Variants in SERPINB11 observed in about 807,000 individuals in gnomAD.
SERPINB11 encodes the protein serpin family B member 11.
Under a neutral mutation model 36.7 loss-of-function variants are expected in SERPINB11, and 32 were observed. That is an observed-to-expected ratio of 0.87 (90% CI 0.66 to 1.17). The LOEUF is 1.17. Among genes scored for constraint, SERPINB11 ranks in the 50% most tolerant of loss-of-function variants. The probability of loss-of-function intolerance (pLI) is 0.00; values close to 1 mark genes in which losing one functional copy is unlikely to be tolerated. For synonymous variants in SERPINB11, 174 were observed against 168.1 expected, an observed-to-expected ratio of 1.04 and a Z score of -0.27; for missense variants, 528 against 458.4, an observed-to-expected ratio of 1.15 and a Z score of -1.39.
At chr18:63,715,993 C>T in intron 4 of SERPINB11, 42 bp from the exon 5 acceptor site, 2 of 1,360,968 alleles carry the variant, frequency 1.5e-6, no homozygotes, top group East Asian at 2.4e-5. Flanking sequence ...GTTTTCCTTA[C>T]ACTGCTTTTG....
chr18:63,722,090 G>A (rs1914829634), intron 7 of SERPINB11, among the ~76,000 whole-genome samples: 1 of 152,202 alleles, frequency 6.6e-6, no homozygotes, highest in South Asian at 2.1e-4. Context: ...CTGCTAAACT[G>A]AGCAGAGCAA....
chr18:63,710,495 A>T, intron 2 of SERPINB11, 134 bp downstream of exon 2: 1 of 654,426 alleles, frequency 1.5e-6, no homozygotes. Context: ...TGAATAAATC[A>T]TATTTCTTAA....
intron 1 of SERPINB11, among the ~76,000 whole-genome samples, chr18:63,704,912 C>A (rs1026135997): frequency 1.3e-5 from 2 of 152,170 alleles, no homozygotes; most frequent in African/African-American, 4.8e-5. Flanking sequence ...AGGAAGGAAA[C>A]CATTTGGGCA....
In SERPINB11 at chr18:63,720,137, TC is replaced by T. The variant is rs539006068; in HGVS notation, c.602del (p.Pro201LeufsTer4). The T allele has an allele frequency of 4.2e-5, 67 of 1,606,774 alleles. 1 individual carries two copies. In the South Asian group the frequency reaches 6.7e-4, roughly 16 times the overall value. Reference protein sequence around the residue: ...KFQVRETVKSPFQLSEGKNVT... With the variant: ...KFQVRETVKSXFQLSEGKNVT... Reference sequence around the variant, plus strand: ...TTCAAGTAAGAGAGACAGTTAAAAGTCCTTTTCAGCTAAGTGAGGTAAGTAT... The same window carrying T: ...TTCAAGTAAGAGAGACAGTTAAAAGTCTTTTCAGCTAAGTGAGGTAAGTAT... On this transcript the variant is annotated frameshift_variant, in exon 6 of 8. Coordinates refer to ENST00000544088, the MANE Select transcript of SERPINB11 (RefSeq NM_001370475.1). LOFTEE classifies it high-confidence loss of function.
Position 63,720,028 on chromosome 18 carries a change from T to C in SERPINB11, c.491T>C (p.Leu164Pro). 6.2e-7 allele frequency: 1 copy of C among 1,601,418 alleles called. No homozygotes were observed. Among genetic ancestry groups the C allele is most frequent in the Non-Finnish European group, 8.5e-7 (1 of 1,175,882 alleles). Residue 164 changes from leucine (L) to proline (P), a missense_variant, in exon 6 of 8, where the codon CTC becomes CCC. By Grantham distance (98) the Leu-to-Pro change is moderately conservative. Coordinates refer to ENST00000544088, the MANE Select transcript of SERPINB11 (RefSeq NM_001370475.1). ...ENKTNGKVAN[L>P]FGKSTIDPSS... is the part of the protein sequence containing the mutation. ...TTTATACAAGGAAAAGTCGCAAATC[T>C]CTTTGGAAAGAGCACAATTGACCCT...
chr18:63,706,567 C>T lies in SERPINB11; in HGVS notation c.-16+3561C>T, dbSNP rs531570276. 5.7e-4 allele frequency among the ~76,000 whole-genome samples: 86 copies of T among 152,138 alleles called. 1 individual carries two copies. Among genetic ancestry groups the T allele is most frequent in the Middle Eastern group, 6.8e-3 (2 of 294 alleles). ...TAAAAGAATCAAATATTTCTGTATT[C>T]CAGGTGGACTAAACAAGGGAATAAT... On this transcript the variant is annotated intron_variant, in intron 1 of 7. Coordinates refer to ENST00000544088, the MANE Select transcript of SERPINB11 (RefSeq NM_001370475.1).
intron 7 of SERPINB11, among the ~76,000 whole-genome samples, chr18:63,722,760 A>T (rs1191717368): frequency 6.6e-6 from 1 of 152,232 alleles, no homozygotes; most frequent in Non-Finnish European, 1.5e-5. Context: ...GAGGGAAAAG[A>T]CTGTAGGATA....
At chr18:63,720,608 C>G (rs906701953) in intron 6 of SERPINB11, 1 of 460,642 alleles carries the variant, frequency 2.2e-6, no homozygotes, top group South Asian at 4.5e-5. Context: ...CAAGCTATCT[C>G]TATATATTAT....
chr18:63,720,840 G>T lies in SERPINB11; in HGVS notation c.628G>T (p.Val210Leu). 6.4e-7 allele frequency: 1 copy of T among 1,552,332 alleles called. No homozygotes were observed. The highest frequency in any genetic ancestry group is 8.7e-7 in the Non-Finnish European group (1 of 1,147,586). The change falls in exon 7 of 8, where the codon GTA (valine) becomes TTA (leucine). Residue 210 changes from valine to leucine, a missense_variant. Physicochemically the swap from Val to Leu is conservative, Grantham distance 32. Coordinates refer to ENST00000544088, the MANE Select transcript of SERPINB11 (RefSeq NM_001370475.1). ...SPFQLSEGKN[V>L]TVEMMYQIGT... ...TTTTTCTTCTTAACAGGGTAAAAAT[G>T]TAACTGTGGAAATGATGTATCAAAT...
intron 3 of SERPINB11, among the ~76,000 whole-genome samples, chr18:63,712,265 T>C (rs4940594): frequency 0.37 from 56,452 of 151,972 alleles, 11,334 homozygotes; most frequent in East Asian, 0.61. Context: ...TTGCCCTGAA[T>C]ACCCCACTAG....
At chr18:63,703,832 C>T (rs550643138) in intron 1 of SERPINB11, among the ~76,000 whole-genome samples, 2 of 152,354 alleles carry the variant, frequency 1.3e-5, no homozygotes, top group South Asian at 2.1e-4. Flanking sequence ...GATGTGTTCC[C>T]TTCCACACGT....
chr18:63,709,251 C>A (rs1022077864), intron 1 of SERPINB11, among the ~76,000 whole-genome samples: 1 of 152,062 alleles, frequency 6.6e-6, no homozygotes, highest in African/African-American at 2.4e-5. Context: ...TATGGCAGGT[C>A]CTACTTGTTA....
chr18:63,721,661 GGT>G (rs150449198), intron 7 of SERPINB11, among the ~76,000 whole-genome samples: 21 of 151,818 alleles, frequency 1.4e-4, no homozygotes, highest in African/African-American at 4.6e-4. Flanking sequence ...AGGTGAGCAA[GGT>G]GTGTGTGTGT....
intron 6 of SERPINB11, 133 bp downstream of exon 6, chr18:63,720,288 C>T: frequency 1.2e-6 from 1 of 813,234 alleles, no homozygotes; most frequent in Non-Finnish European, 1.9e-6. Flanking sequence ...ATTGTATTTT[C>T]TACAGATTTT....
chr18:63,719,101 A>C (rs1202982607), intron 5 of SERPINB11, among the ~76,000 whole-genome samples: 1 of 152,136 alleles, frequency 6.6e-6, no homozygotes, highest in Non-Finnish European at 1.5e-5. Flanking sequence ...TGCCTAGAAC[A>C]GTGCCCAGCA....
chr18:63,715,986 T>G (rs1914656309), intron 4 of SERPINB11, 49 bp from the exon 5 acceptor site: 1 of 1,296,310 alleles, frequency 7.7e-7, no homozygotes, highest in Non-Finnish European at 1.1e-6. Flanking sequence ...GATTTTTGTT[T>G]TCCTTACACT....
intron 4 of SERPINB11, among the ~76,000 whole-genome samples, chr18:63,713,278 T>A (rs1480756149): frequency 6.6e-6 from 1 of 152,202 alleles, no homozygotes; most frequent in Non-Finnish European, 1.5e-5. Context: ...TTATCTCCTA[T>A]AATCCTCACA....
At chr18:63,716,934 T>C (rs536868651) in intron 5 of SERPINB11, among the ~76,000 whole-genome samples, 2 of 152,246 alleles carry the variant, frequency 1.3e-5, no homozygotes, top group South Asian at 2.1e-4. Flanking sequence ...ATTGTATGTG[T>C]GCTATTTGAT....
intron 4 of SERPINB11, among the ~76,000 whole-genome samples, chr18:63,715,159 T>C (rs558206715): frequency 1.6e-4 from 24 of 152,176 alleles, no homozygotes; most frequent in Non-Finnish European, 3.5e-4. Context: ...AAGTCTTGTA[T>C]TGTTCTATTC....
Sources: allele counts gnomAD v4.1 joint callset (sites outside exome capture counted in the v4.1 genomes callset), GRCh38; gene constraint gnomAD v4.1.1; transcripts MANE v1.5; gene names NCBI Gene and HGNC (gene_info 2026-07-23, HGNC 2026-07-21).